Variants in SLC28A2 observed in about 807,000 individuals in gnomAD.
SLC28A2 encodes solute carrier family 28 member 2, also known as sodium/nucleoside cotransporter 2.
A neutral mutation model predicts 72.9 loss-of-function variants in SLC28A2; 69 were observed. The observed-to-expected ratio is 0.95, with a 90% CI of 0.78 to 1.16. The LOEUF (loss-of-function observed/expected upper bound fraction) is 1.16. Among genes scored for constraint, SLC28A2 ranks in the 50% most tolerant of loss-of-function variants. The pLI, the probability that SLC28A2 is intolerant of heterozygous loss-of-function variation, is 0.00. For missense variants in SLC28A2, 745 were observed against 791.1 expected, an observed-to-expected ratio of 0.94 and a Z score of 0.70; for synonymous variants, 296 against 294.1, an observed-to-expected ratio of 1.01 and a Z score of -0.07.
intron 3 of SLC28A2, among the ~76,000 whole-genome samples, chr15:45,259,557 G>A (rs1443416967): frequency 6.6e-6 from 1 of 151,674 alleles, no homozygotes; most frequent in African/African-American, 2.4e-5. Context: ...ATACTTTCTA[G>A]CTATCTGTCA....
chr15:45,254,361 A>G (rs1438651541), intron 3 of SLC28A2, among the ~76,000 whole-genome samples: 1 of 152,208 alleles, frequency 6.6e-6, no homozygotes, highest in Non-Finnish European at 1.5e-5. Context: ...ATATCATTAC[A>G]CAACGGTGGT....
In SLC28A2 at chr15:45,253,311, A is replaced by G; in HGVS notation, c.81+15A>G. 8 of 1,604,756 alleles carry G rather than the reference A, an allele frequency of 5.0e-6. No individual in the cohort carries two copies. The highest frequency in any genetic ancestry group is 6.0e-6 in the Non-Finnish European group (7 of 1,171,542). ...TGGAGCTCATGGTAATCACCAGTTT[A>G]GTTTCTCTCTGCAGAGCTGTGGGCT... On this transcript the variant is annotated intron_variant, in intron 2 of 17. Coordinates refer to ENST00000347644, the MANE Select transcript of SLC28A2 (RefSeq NM_004212.4).
chr15:45,272,095 T>C lies in SLC28A2; in HGVS notation c.1649-200T>C. 3 of 542,224 alleles carry C rather than the reference T, an allele frequency of 5.5e-6. No homozygotes were observed. The South Asian group carries it at 7.8e-5, about 14-fold the overall frequency. 33.6% of individuals were successfully genotyped at this position (542,224 alleles called of 1,614,324 possible). On this transcript the variant is annotated intron_variant, in intron 15 of 17. Coordinates refer to ENST00000347644, the MANE Select transcript of SLC28A2 (RefSeq NM_004212.4). ...CACTCAATACTTGATCTGAGGAAAGTCTAAGTTAGTGATCCCTCAGGACTA... is the reference window on the plus strand; with the variant it reads ...CACTCAATACTTGATCTGAGGAAAGCCTAAGTTAGTGATCCCTCAGGACTA...
chr15:45,262,137 AAC>A (rs1201395681), intron 4 of SLC28A2, 31 bp downstream of exon 4: 2 of 1,479,920 alleles, frequency 1.4e-6, no homozygotes, highest in Admixed American at 1.7e-5. Flanking sequence ...GAAAGTGAGA[AAC>A]ACAGTTATTT....
At chr15:45,261,931 G>A in intron 3 of SLC28A2, 84 bp from the exon 4 acceptor site, 1 of 890,948 alleles carries the variant, frequency 1.1e-6, no homozygotes, top group Non-Finnish European at 1.9e-6. Context: ...TCTGCCTTGT[G>A]TTAGGTAATC....
intron 10 of SLC28A2, among the ~76,000 whole-genome samples, chr15:45,266,935 C>A (rs1900356954): frequency 6.6e-6 from 1 of 152,158 alleles, no homozygotes; most frequent in African/African-American, 2.4e-5. Context: ...ATACCATTAT[C>A]TTAGGTCAGT....
At position 45,263,159 on chromosome 15, in the gene SLC28A2, TC is replaced by T; in HGVS notation, c.362del (p.Ser121CysfsTer3). 1 of 1,614,092 alleles carries T rather than the reference TC, an allele frequency of 6.2e-7. No individual in the cohort carries two copies. The highest frequency in any genetic ancestry group is 8.5e-7 in the Non-Finnish European group (1 of 1,179,964). ...CTTGGTGATCTTTGTCCTGGTTCAC[TC>T]GTTTTTGAAAAAGCTCCTGGGCAAA... is the stretch of plus-strand genomic sequence containing the variant. ...TCLVIFVLVH[S>X]FLKKLLGKKL... On this transcript the variant is annotated frameshift_variant, in exon 5 of 18. Coordinates refer to ENST00000347644, the MANE Select transcript of SLC28A2 (RefSeq NM_004212.4). LOFTEE classifies it high-confidence loss of function.
In SLC28A2 at chr15:45,272,689, C is replaced by G; in HGVS notation, c.1764C>G (p.Pro588=). ...TTTATCCAGGAATCCTCTATGTCCC[C>G]AGGGGAGCTGAAGCTGACTGTGTCT... is the stretch of plus-strand genomic sequence containing the variant. The part of the protein sequence containing the change: ...SACMAGILYV[P]RGAEADCVSF... The change falls in exon 17 of 18, where the codon CCC becomes CCG. Residue 588 remains proline (P), a synonymous_variant. Coordinates refer to ENST00000347644, the MANE Select transcript of SLC28A2 (RefSeq NM_004212.4). 6.2e-7 allele frequency: 1 copy of G among 1,601,394 alleles called. No homozygotes were observed. The highest frequency in any genetic ancestry group is 8.6e-7 in the Non-Finnish European group (1 of 1,168,504).
intron 17 of SLC28A2, among the ~76,000 whole-genome samples, chr15:45,273,291 G>C (rs939018089): frequency 7.9e-5 from 12 of 152,202 alleles, no homozygotes; most frequent in South Asian, 2.1e-4. Context: ...GAAGAAAACT[G>C]AGAGAGGATA....
intron 14 of SLC28A2, 103 bp from the exon 15 acceptor site, chr15:45,270,092 G>T: frequency 1.3e-6 from 1 of 773,296 alleles, no homozygotes; most frequent in South Asian, 1.5e-5. Flanking sequence ...GGGAAACCAT[G>T]GAAAAGACTG....
chr15:45,255,302 A>G (rs188609913), intron 3 of SLC28A2: 6 of 152,044 alleles, frequency 3.9e-5, no homozygotes, highest in Non-Finnish European at 7.4e-5. Context: ...TAGTTTTGCA[A>G]TGAATGTTGG....
At chr15:45,255,904 AAGCCAG>A (rs1327619864) in intron 3 of SLC28A2, 2 of 152,218 alleles carry the variant, frequency 1.3e-5, no homozygotes, top group Admixed American at 1.3e-4. Flanking sequence ...CACTTCTCTC[AAGCCAG>A]CGCAGGCCAG....
At chr15:45,273,395 T>C (rs1055118911) in intron 17 of SLC28A2, among the ~76,000 whole-genome samples, 2 of 152,196 alleles carry the variant, frequency 1.3e-5, no homozygotes, top group Non-Finnish European at 2.9e-5. Context: ...GATATGTCAT[T>C]AAGCTAAAAG....
rs748194455 is a variant in SLC28A2 at position 45,263,130 on chromosome 15, C to T, written c.332C>T (p.Thr111Ile). 6 of 1,613,896 alleles carry T rather than the reference C, an allele frequency of 3.7e-6. No individual in the cohort carries two copies. The highest frequency in any genetic ancestry group is 3.3e-5 in the South Asian group (3 of 91,078). Residue 111 changes from threonine (T) to isoleucine (I), a missense_variant, in exon 5 of 18, where the codon ACC becomes ATC. Thr to Ile is a moderately conservative substitution (Grantham distance 89, BLOSUM62 -1). Transcript: ENST00000347644. ...FQRALALFVI[T>I]CLVIFVLVHS... is the part of the protein sequence containing the mutation. ...AGGGCACTGGCCTTGTTTGTCATCA[C>T]CTGCTTGGTGATCTTTGTCCTGGTT... is the stretch of plus-strand genomic sequence containing the variant.
chr15:45,264,683 T>C lies in SLC28A2; in HGVS notation c.617T>C (p.Leu206Pro), dbSNP rs1567059312. The change falls in exon 7 of 18, where the codon CTA (leucine) becomes CCA (proline). Residue 206 changes from leucine to proline, a missense_variant. Transcript: ENST00000347644. ...AVSWRTVFSG[L>P]GLQFVFGILV... The stretch of plus-strand genomic sequence containing the variant: ...TCCTGGAGGACAGTGTTTTCGGGCC[T>C]AGGTCTTCAATTTGTCTTTGGGATC... 6.2e-7 allele frequency: 1 copy of C among 1,613,410 alleles called. No individual in the cohort carries two copies. Among genetic ancestry groups the C allele is most frequent in the Admixed American group, 1.7e-5 (1 of 60,022 alleles).
intron 17 of SLC28A2, among the ~76,000 whole-genome samples, chr15:45,275,057 G>C (rs1329130298): frequency 6.6e-6 from 1 of 152,122 alleles, no homozygotes; most frequent in Non-Finnish European, 1.5e-5. Context: ...GTTTTCAAGA[G>C]GAAGGTGGCC....
Position 45,275,397 on chromosome 15 carries a change from A to G in SLC28A2, c.1861A>G (p.Thr621Ala). 1 of 1,594,706 alleles carries G rather than the reference A, an allele frequency of 6.3e-7. No homozygotes were observed. Among genetic ancestry groups the G allele is most frequent in the Non-Finnish European group, 8.6e-7 (1 of 1,162,492 alleles). ...TACCTCTCTGGTTTTTCACTGCAGT[A>G]CTTCTCTGAATGGCACCAACCCTCC... ...YMCCRGLFQSTSLNGTNPPSF... is the reference protein window; with the variant it reads ...YMCCRGLFQSASLNGTNPPSF... Residue 621 changes from threonine (T) to alanine (A), a missense_variant and splice_region_variant, in exon 18 of 18, where the codon ACT becomes GCT. Coordinates refer to ENST00000347644, the MANE Select transcript of SLC28A2 (RefSeq NM_004212.4).
intron 3 of SLC28A2, among the ~76,000 whole-genome samples, chr15:45,258,013 C>G (rs1007160419): frequency 2.6e-5 from 4 of 152,126 alleles, no homozygotes; most frequent in African/African-American, 9.7e-5. Context: ...CACTTGAGGT[C>G]AGAAGTTTGA....
At chr15:45,267,834 G>A (rs767641572) in intron 12 of SLC28A2, 38 bp downstream of exon 12, 8 of 1,612,204 alleles carry the variant, frequency 5.0e-6, no homozygotes, top group Non-Finnish European at 8.5e-7. Flanking sequence ...GAGATGGTGA[G>A]CTGTAGTTAA....
Sources: allele counts gnomAD v4.1 joint callset (sites outside exome capture counted in the v4.1 genomes callset), GRCh38; gene constraint gnomAD v4.1.1; transcripts MANE v1.5; gene names NCBI Gene and HGNC (gene_info 2026-07-23, HGNC 2026-07-21).